Variants in RFX6 observed in about 807,000 individuals in gnomAD.
The protein encoded by RFX6 is regulatory factor X6.
A neutral mutation model predicts 110.8 loss-of-function variants in RFX6; 50 were observed. That is an observed-to-expected ratio of 0.45 (90% CI 0.36 to 0.57). The LOEUF is 0.57. Ranked by LOEUF, RFX6 falls within the 20% of genes least tolerant of loss-of-function variation. RFX6 has a pLI of 0.00. For missense variants in RFX6, 990 were observed against 1,127.0 expected, an observed-to-expected ratio of 0.88 and a Z score of 1.74; for synonymous variants, 383 against 411.2, an observed-to-expected ratio of 0.93 and a Z score of 0.83.
Position 116,877,284 on chromosome 6 carries a change from G to A in RFX6, c.9G>A (p.Lys3=). 1.2e-6 allele frequency: 2 copies of A among 1,610,382 alleles called. No homozygotes were observed. Among genetic ancestry groups the A allele is most frequent in the Non-Finnish European group, 1.7e-6 (2 of 1,178,720 alleles). MA[K]VPELEDTFLQ... ...GTCCGGCGGCCAGGAGGATGGCCAA[G>A]GTCCCGGAGCTGGAAGACACCTTCC... Residue 3 remains lysine (K), a synonymous_variant, in exon 1 of 19, where the codon AAG becomes AAA. Transcript: ENST00000332958.
intron 4 of RFX6, among the ~76,000 whole-genome samples, chr6:116,891,213 G>T (rs887383917): frequency 5.9e-5 from 9 of 152,242 alleles, no homozygotes; most frequent in African/African-American, 2.2e-4. Flanking sequence ...TCATTGTACT[G>T]ACAACTAGCA....
At chr6:116,923,085 C>T (rs779456680) in intron 13 of RFX6, 22 bp from the exon 14 acceptor site, 1 of 1,263,296 alleles carries the variant, frequency 7.9e-7, no homozygotes, top group Non-Finnish European at 1.2e-6. Context: ...TTTATAGTTT[C>T]ATTTTGTTCC....
At chr6:116,903,229 C>A (rs1775116030) in intron 6 of RFX6, among the ~76,000 whole-genome samples, 1 of 152,062 alleles carries the variant, frequency 6.6e-6, no homozygotes, top group Non-Finnish European at 1.5e-5. Flanking sequence ...CAGTTGTTAA[C>A]ATCCAAAACA....
intron 4 of RFX6, among the ~76,000 whole-genome samples, chr6:116,886,421 G>A (rs1239748006): frequency 6.6e-6 from 1 of 152,092 alleles, no homozygotes; most frequent in African/African-American, 2.4e-5. Flanking sequence ...TTTAAAAATT[G>A]TTCTTAGATG....
intron 6 of RFX6, among the ~76,000 whole-genome samples, chr6:116,903,831 C>T (rs184157486): frequency 0.011 from 1,688 of 151,958 alleles, 29 homozygotes; most frequent in Admixed American, 0.041. Context: ...TATCCCAATG[C>T]GTTTATTCAT....
chr6:116,928,068 T>C (rs1775789141), intron 17 of RFX6, among the ~76,000 whole-genome samples: 1 of 119,738 alleles, frequency 8.4e-6, no homozygotes, highest in South Asian at 3.3e-4. Context: ...TCCTCCTAAA[T>C]ACCGCATATG....
At chr6:116,927,003 G>C (rs1350538273) in intron 16 of RFX6, 24 bp from the exon 17 acceptor site, 1 of 1,602,380 alleles carries the variant, frequency 6.2e-7, no homozygotes, top group Non-Finnish European at 8.5e-7. Flanking sequence ...GACACTAAAG[G>C]AATGTTCTGG....
At chr6:116,917,323 AG>A (rs1369554976) in intron 9 of RFX6, among the ~76,000 whole-genome samples, 1 of 146,542 alleles carries the variant, frequency 6.8e-6, no homozygotes, top group African/African-American at 2.6e-5. Flanking sequence ...TTCAGAGGAG[AG>A]TAAGGATTGT....
intron 9 of RFX6, among the ~76,000 whole-genome samples, chr6:116,916,551 T>C (rs763854849): frequency 7.2e-5 from 11 of 152,118 alleles, no homozygotes; most frequent in Non-Finnish European, 1.6e-4. Flanking sequence ...ATAATGAGTC[T>C]ATATGTGACA....
chr6:116,926,903 T>G (rs1582538544), intron 16 of RFX6, 124 bp from the exon 17 acceptor site: 2 of 869,558 alleles, frequency 2.3e-6, no homozygotes, highest in East Asian at 2.5e-5. Flanking sequence ...TAGTTATTTT[T>G]GGAGGGCAGG....
chr6:116,908,109 A>C (rs1775246902), intron 6 of RFX6, among the ~76,000 whole-genome samples: 1 of 152,058 alleles, frequency 6.6e-6, no homozygotes, highest in South Asian at 2.1e-4. Flanking sequence ...ATTCATTTAC[A>C]TTTAAAGTAA....
chr6:116,907,233 G>A (rs570746454), intron 6 of RFX6, among the ~76,000 whole-genome samples: 1 of 152,020 alleles, frequency 6.6e-6, no homozygotes, highest in Admixed American at 6.5e-5. Flanking sequence ...GTGTAATCCT[G>A]TTAATATGCT....
At chr6:116,896,787 C>T (rs339344) in intron 6 of RFX6, among the ~76,000 whole-genome samples, 44,134 of 152,034 alleles carry the variant, frequency 0.29, 6,592 homozygotes, top group South Asian at 0.38. Context: ...TCTTCATATA[C>T]GTCAGTTCAT....
chr6:116,923,075 T>C, intron 13 of RFX6, 32 bp from the exon 14 acceptor site: 1 of 1,157,056 alleles, frequency 8.6e-7, no homozygotes, highest in Non-Finnish European at 1.3e-6. Flanking sequence ...GAGGACGGAT[T>C]TTATAGTTTC....
At chr6:116,917,464 C>G (rs1217531916) in intron 9 of RFX6, among the ~76,000 whole-genome samples, 1 of 151,802 alleles carries the variant, frequency 6.6e-6, no homozygotes, top group Non-Finnish European at 1.5e-5. Flanking sequence ...GAGGCAGCTC[C>G]GTGAGTGAGT....
chr6:116,903,683 A>T (rs755033163), intron 6 of RFX6, among the ~76,000 whole-genome samples: 1 of 152,028 alleles, frequency 6.6e-6, no homozygotes, highest in Non-Finnish European at 1.5e-5. Context: ...GCCCAGTTGT[A>T]TCCTACATAA....
At position 116,927,113 on chromosome 6, in the gene RFX6, C is replaced by A. The variant is rs752397411; in HGVS notation, c.1972C>A (p.Gln658Lys). ...AMASRGSVIN[Q>K]GPMAGRPPSV... is the part of the protein sequence containing the mutation. Reference sequence around the variant, plus strand: ...GGCAAGCCGAGGAAGTGTCATTAACCAAGGACCAATGGCAGGGAGGCCCCC... The same window carrying A: ...GGCAAGCCGAGGAAGTGTCATTAACAAAGGACCAATGGCAGGGAGGCCCCC... The change falls in exon 17 of 19, where the codon CAA becomes AAA. Residue 658 changes from glutamine to lysine, a missense_variant. Transcript: ENST00000332958. 5 of 1,614,104 alleles carry A rather than the reference C, an allele frequency of 3.1e-6. No individual in the cohort carries two copies. Among genetic ancestry groups the A allele is most frequent in the Admixed American group, 3.3e-5 (2 of 60,026 alleles).
chr6:116,886,086 A>G (rs1271724417), intron 4 of RFX6, among the ~76,000 whole-genome samples: 1 of 152,156 alleles, frequency 6.6e-6, no homozygotes, highest in Non-Finnish European at 1.5e-5. Flanking sequence ...TTTTACTAGT[A>G]ATTTTGCAAA....
Position 116,927,082 on chromosome 6 carries a change from A to G in RFX6, c.1941A>G (p.Pro647=), listed in dbSNP as rs1046515539. Residue 647 remains proline (P), a synonymous_variant, in exon 17 of 19, where the codon CCA becomes CCG. Transcript: ENST00000332958. ...AGHLMTPPIS[P]AMASRGSVIN... Reference sequence around the variant, plus strand: ...ATCTGATGACACCACCCATTTCTCCAGCCATGGCAAGCCGAGGAAGTGTCA... The same window carrying G: ...ATCTGATGACACCACCCATTTCTCCGGCCATGGCAAGCCGAGGAAGTGTCA... The G allele has an allele frequency of 2.5e-6, 4 of 1,613,878 alleles. No individual in the cohort carries two copies. The highest frequency in any genetic ancestry group is 3.4e-6 in the Non-Finnish European group (4 of 1,179,858).
Sources: gnomAD v4.1 joint callset for allele counts (sites outside exome capture counted in the v4.1 genomes callset) on GRCh38, gnomAD v4.1.1 for gene constraint, MANE v1.5 for transcripts, NCBI Gene and HGNC (gene_info 2026-07-23, HGNC 2026-07-21) for gene names.